CA12: variants seen among roughly 807,000 people sequenced by gnomAD.
CA12 encodes the protein carbonic anhydrase 12, also known as carbonate dehydratase XII.
In CA12, 36 loss-of-function variants were observed where a neutral mutation model predicts 46.8. The observed-to-expected ratio is 0.77, with a 90% CI of 0.59 to 1.02. The LOEUF (loss-of-function observed/expected upper bound fraction) is 1.02, where lower values mean the gene tolerates loss of function less well. Ranked by LOEUF, CA12 falls within the 50% of genes least tolerant of loss-of-function variation. CA12 has a pLI of 0.00. For missense variants in CA12, 436 were observed against 451.4 expected (o/e 0.97, Z 0.31); for synonymous variants, 202 against 187.0 (o/e 1.08, Z -0.65).
intron 2 of CA12, among the ~76,000 whole-genome samples, chr15:63,359,058 G>T (rs1462784976): frequency 2.6e-5 from 4 of 151,876 alleles, no homozygotes; most frequent in Non-Finnish European, 5.9e-5. Context: ...CGGTGGTTTT[G>T]TTGTTGGCCC....
intron 2 of CA12, among the ~76,000 whole-genome samples, chr15:63,368,041 G>C (rs1288365175): frequency 6.6e-6 from 1 of 152,070 alleles, no homozygotes; most frequent in Non-Finnish European, 1.5e-5. Context: ...TTTTTATACC[G>C]TTTTGCCTCC....
rs1424796174 is a variant in CA12 at position 63,374,860 on chromosome 15, G to T, written c.106+798C>A. On this transcript the variant is annotated intron_variant, in intron 2 of 10. Transcript: ENST00000178638. The surrounding 1 kb of genome is among the most constrained non-coding windows in gnomAD (Gnocchi z 4.4). ...GCCAGTGAGTCAGTTCCACCCTTCT[G>T]CTACCAAAACAATCGATCTTGTGCA... Among the ~76,000 whole-genome samples the T allele has an allele frequency of 6.6e-6, 1 of 152,160 alleles. No individual in the cohort carries two copies. Among genetic ancestry groups the T allele is most frequent in the Non-Finnish European group, 1.5e-5 (1 of 68,048 alleles).
chr15:63,325,703 A>T lies in CA12; in HGVS notation c.*582T>A. On this transcript the variant is annotated 3_prime_UTR_variant, in exon 11 of 11. Coordinates refer to ENST00000178638, the MANE Select transcript of CA12 (RefSeq NM_001218.5). This position sits in a 1 kb window ranked among gnomAD's most constrained non-coding sequence, Gnocchi z 4.9. ...AAGTGTCCCTAATATATCACAATGT[A>T]TATCTCTTGTTTTCTTTTTCTCTCT... 1 of 175,120 alleles carries T rather than the reference A, an allele frequency of 5.7e-6. No homozygotes were observed. Among genetic ancestry groups the T allele is most frequent in the East Asian group, 1.4e-4 (1 of 7,240 alleles). 10.8% of individuals were successfully genotyped at this position (175,120 alleles called of 1,614,324 possible).
intron 8 of CA12, among the ~76,000 whole-genome samples, chr15:63,335,856 G>C (rs2038996420): frequency 6.6e-6 from 1 of 152,184 alleles, no homozygotes; most frequent in Non-Finnish European, 1.5e-5. Context: ...CTCCGAGCTG[G>C]GTAAGAAAGG....
chr15:63,376,557 C>CCTTTCTTTTTCTTTCTTT (rs1555432623), intron 1 of CA12, among the ~76,000 whole-genome samples: 2 of 104,526 alleles, frequency 1.9e-5, no homozygotes, highest in African/African-American at 7.2e-5. Flanking sequence ...CTCTTTCTTT[C>CCTTTCTTTTTCTTTCTTT]CTTTCTTTCT....
In CA12 at chr15:63,372,523, C is replaced by T. The variant is rs1205047808; in HGVS notation, c.106+3135G>A. ...ACCATGTGTGCCAGACAGTGGGAGG[C>T]CCCTGGAGAATGACTCAGCAGTGTA... On this transcript the variant is annotated intron_variant, in intron 2 of 10. Coordinates refer to ENST00000178638, the MANE Select transcript of CA12 (RefSeq NM_001218.5). The surrounding 1 kb of genome is among the most constrained non-coding windows in gnomAD (Gnocchi z 4.5). Among the ~76,000 whole-genome samples the T allele has an allele frequency of 6.6e-6, 1 of 152,194 alleles. No individual in the cohort carries two copies. Among genetic ancestry groups the T allele is most frequent in the Non-Finnish European group, 1.5e-5 (1 of 68,036 alleles).
At chr15:63,350,383 A>G (rs1455596501) in intron 2 of CA12, among the ~76,000 whole-genome samples, 1 of 152,204 alleles carries the variant, frequency 6.6e-6, no homozygotes, top group Admixed American at 6.5e-5. Flanking sequence ...CAAGTGCTCC[A>G]CTGCCAGAAA....
At chr15:63,350,090 T>A (rs992565466) in intron 2 of CA12, among the ~76,000 whole-genome samples, 3 of 152,196 alleles carry the variant, frequency 2.0e-5, no homozygotes, top group African/African-American at 7.2e-5. Flanking sequence ...GGAGACGGCC[T>A]GCCAAGGAAG....
In CA12 at chr15:63,328,949, C is replaced by T. The variant is rs2038902666; in HGVS notation, c.875-819G>A. Among the ~76,000 whole-genome samples the T allele has an allele frequency of 6.6e-6, 1 of 152,232 alleles. No individual in the cohort carries two copies. The highest frequency in any genetic ancestry group is 2.4e-5 in the African/African-American group (1 of 41,456). On this transcript the variant is annotated intron_variant, in intron 8 of 10. Coordinates refer to ENST00000178638, the MANE Select transcript of CA12 (RefSeq NM_001218.5). This position sits in a 1 kb window ranked among gnomAD's most constrained non-coding sequence, Gnocchi z 5.9. ...CTCCTGATCTCAAGTGATCCACCTG[C>T]CTCGGCCTCCCAAACTATGGGGATT...
intron 2 of CA12, among the ~76,000 whole-genome samples, chr15:63,356,841 C>T (rs927006621): frequency 1.3e-5 from 2 of 152,066 alleles, no homozygotes; most frequent in African/African-American, 2.4e-5. Context: ...GATATAGATC[C>T]CAAAGTATTA....
rs1020927686 is a variant in CA12 at position 63,374,154 on chromosome 15, G to C, written c.106+1504C>G. Among the ~76,000 whole-genome samples, 2 of 152,002 alleles carry C rather than the reference G, an allele frequency of 1.3e-5. No homozygotes were observed. The highest frequency in any genetic ancestry group is 2.9e-5 in the Non-Finnish European group (2 of 67,988). ...GGACAAAGTGGGAAAGGCCTGCCCT[G>C]ACCCTCCACACCTCCCCTGTTTGAC... is the stretch of plus-strand genomic sequence containing the variant. On this transcript the variant is annotated intron_variant, in intron 2 of 10. Transcript: ENST00000178638. This position sits in a 1 kb window ranked among gnomAD's most constrained non-coding sequence, Gnocchi z 4.4.
chr15:63,347,724 C>T (rs966794070), intron 2 of CA12, among the ~76,000 whole-genome samples: 1 of 152,212 alleles, frequency 6.6e-6, no homozygotes, highest in Non-Finnish European at 1.5e-5. Context: ...AACAGACTTT[C>T]AGGCCAAGGT....
In CA12 at chr15:63,345,274, G is replaced by A. The variant is rs960315498; in HGVS notation, c.429+203C>T. Among the ~76,000 whole-genome samples the A allele has an allele frequency of 3.3e-5, 5 of 152,256 alleles. No individual in the cohort carries two copies. Among genetic ancestry groups the A allele is most frequent in the Admixed American group, 2.6e-4 (4 of 15,286 alleles). On this transcript the variant is annotated intron_variant, in intron 4 of 10. Coordinates refer to ENST00000178638, the MANE Select transcript of CA12 (RefSeq NM_001218.5). This position sits in a 1 kb window ranked among gnomAD's most constrained non-coding sequence, Gnocchi z 4.3. ...CACAGGGACAAACTTAGCATGTTCA[G>A]GAGAAGAAAGGGACCAGGACAGTGC...
intron 2 of CA12, among the ~76,000 whole-genome samples, chr15:63,365,328 T>C (rs994725555): frequency 5.3e-5 from 8 of 152,354 alleles, no homozygotes; most frequent in Admixed American, 3.3e-4. Context: ...CTCAACGGCA[T>C]GAGGTGTAGT....
chr15:63,326,594 T>C (rs1434368489), intron 10 of CA12, among the ~76,000 whole-genome samples: 1 of 152,192 alleles, frequency 6.6e-6, no homozygotes, highest in Non-Finnish European at 1.5e-5. Context: ...ACCTATATTT[T>C]GAAAGAGGTC....
chr15:63,380,231 T>A (rs998067202), intron 1 of CA12, among the ~76,000 whole-genome samples: 4 of 151,566 alleles, frequency 2.6e-5, no homozygotes, highest in African/African-American at 7.3e-5. Context: ...CAGTCCCAAC[T>A]TGGAGAATTG....
chr15:63,379,823 G>T (rs775120052), intron 1 of CA12, among the ~76,000 whole-genome samples: 1 of 152,228 alleles, frequency 6.6e-6, no homozygotes, highest in Non-Finnish European at 1.5e-5. Flanking sequence ...GGCAGGGCAA[G>T]CTCTGCAGAA....
Position 63,327,192 on chromosome 15 carries a change from A to T in CA12, c.949T>A (p.Cys317Ser). Reference sequence around the variant, plus strand: ...CAAATGGACACCACCACCACAATACAGATGCCAAGAATGCCAGCCAGGGCC... The same window carrying T: ...CAAATGGACACCACCACCACAATACTGATGCCAAGAATGCCAGCCAGGGCC... Reference protein sequence around the residue: ...SLALAGILGICIVVVVSIWLF... With the variant: ...SLALAGILGISIVVVVSIWLF... Residue 317 changes from cysteine to serine, a missense_variant, in exon 10 of 11, where the codon TGT becomes AGT. Physicochemically the swap from Cys to Ser is moderately radical, Grantham distance 112. Coordinates refer to ENST00000178638, the MANE Select transcript of CA12 (RefSeq NM_001218.5). This position sits in a 1 kb window ranked among gnomAD's most constrained non-coding sequence, Gnocchi z 4.5. 3.1e-6 allele frequency: 5 copies of T among 1,614,074 alleles called. No homozygotes were observed. The highest frequency in any genetic ancestry group is 4.2e-6 in the Non-Finnish European group (5 of 1,179,958).
rs139132462 is a variant in CA12 at position 63,354,186 on chromosome 15, C to A, written c.107-7477G>T. The stretch of plus-strand genomic sequence containing the variant: ...TATGTACAAACAGAGGGCGAGGAAT[C>A]AAACTAGCGTTAGAGTTTTCCTTTG... On this transcript the variant is annotated intron_variant, in intron 2 of 10. Coordinates refer to ENST00000178638, the MANE Select transcript of CA12 (RefSeq NM_001218.5). Among the ~76,000 whole-genome samples, 93 of 152,280 alleles carry A rather than the reference C, an allele frequency of 6.1e-4. 1 individual carries two copies. The East Asian group carries it at 0.014, about 23-fold the overall frequency.
Sources: allele counts gnomAD v4.1 joint callset (sites outside exome capture counted in the v4.1 genomes callset), GRCh38; gene constraint gnomAD v4.1.1; non-coding constraint Gnocchi (gnomAD v3.1); transcripts MANE v1.5; gene names NCBI Gene and HGNC (gene_info 2026-07-23, HGNC 2026-07-21).